Variants in NAALADL2 observed in about 807,000 individuals in gnomAD.
NAALADL2 encodes N-acetylated alpha-linked acidic dipeptidase like 2, also known as inactive N-acetylated-alpha-linked acidic dipeptidase-like protein 2.
NAALADL2 carries 76 observed loss-of-function variants against 87.2 expected under a neutral mutation model. The ratio of observed to expected loss-of-function variants is 0.87; its 90% CI spans 0.72 to 1.05. NAALADL2 has a LOEUF of 1.05. Among genes scored for constraint, NAALADL2 ranks in the 50% least tolerant of loss-of-function variants. The probability of loss-of-function intolerance (pLI) is 0.00; values close to 1 mark genes in which losing one functional copy is unlikely to be tolerated. For missense variants in NAALADL2, 1,089 were observed against 945.8 expected (o/e 1.15, Z -1.99); for synonymous variants, 354 against 331.0 (o/e 1.07, Z -0.75).
intron 2 of NAALADL2, among the ~76,000 whole-genome samples, chr3:175,208,496 A>G (rs577612020): frequency 6.6e-6 from 1 of 152,258 alleles, no homozygotes; most frequent in African/African-American, 2.4e-5. Context: ...TTTAGTGGCC[A>G]TCATTGCTCC....
chr3:174,683,265 A>C (rs1391772735), intron 2 of NAALADL2, among the ~76,000 whole-genome samples: 3 of 152,106 alleles, frequency 2.0e-5, no homozygotes, highest in Non-Finnish European at 4.4e-5. Flanking sequence ...AGGATCTAGA[A>C]AGTAGCCTCA....
chr3:174,853,422 C>T (rs1725492036), intron 3 of NAALADL2, among the ~76,000 whole-genome samples: 1 of 148,534 alleles, frequency 6.7e-6, no homozygotes, highest in African/African-American at 2.5e-5. Flanking sequence ...GACCTTAAAC[C>T]ATGAAATTGC....
intron 3 of NAALADL2, among the ~76,000 whole-genome samples, chr3:174,830,857 C>A (rs1377867861): frequency 6.6e-6 from 1 of 151,684 alleles, no homozygotes; most frequent in Non-Finnish European, 1.5e-5. Flanking sequence ...GTATTTTATT[C>A]TCTTTGAAGC....
At chr3:175,727,206 A>T (rs940972680) in intron 11 of NAALADL2, among the ~76,000 whole-genome samples, 4 of 152,156 alleles carry the variant, frequency 2.6e-5, no homozygotes, top group Admixed American at 1.3e-4. Context: ...CCAGTGTCTC[A>T]GTAACCTCAT....
chr3:175,333,825 A>G (rs570747219), intron 5 of NAALADL2, among the ~76,000 whole-genome samples: 61 of 152,320 alleles, frequency 4.0e-4, no homozygotes, highest in Non-Finnish European at 6.8e-4. Context: ...GCTGGAAAAG[A>G]GGACTTGAAA....
chr3:174,551,763 T>C (rs1292119282), intron 2 of NAALADL2, among the ~76,000 whole-genome samples: 1 of 152,246 alleles, frequency 6.6e-6, no homozygotes, highest in Non-Finnish European at 1.5e-5. Flanking sequence ...GTGTAACACA[T>C]ACTAATATTT....
intron 2 of NAALADL2, among the ~76,000 whole-genome samples, chr3:175,154,167 T>C (rs1580715965): frequency 6.6e-6 from 1 of 152,320 alleles, no homozygotes; most frequent in East Asian, 1.9e-4. Context: ...TATACCTATT[T>C]TTCATATCTG....
At chr3:174,697,149 T>C (rs1221116636) in intron 2 of NAALADL2, among the ~76,000 whole-genome samples, 1 of 152,176 alleles carries the variant, frequency 6.6e-6, no homozygotes, top group Non-Finnish European at 1.5e-5. Context: ...ATAAAGCATC[T>C]TGATGATAGC....
Position 175,096,795 on chromosome 3 carries a change from A to G in NAALADL2, c.49A>G (p.Lys17Glu). 1 of 1,495,018 alleles carries G rather than the reference A, an allele frequency of 6.7e-7. No individual in the cohort carries two copies. The highest frequency in any genetic ancestry group is 8.9e-7 in the Non-Finnish European group (1 of 1,122,238). The allele number at this position is 1,495,018 out of a possible 1,614,324, so 92.6% of individuals were successfully genotyped here. A position where few individuals can be genotyped will look rare whatever the true frequency, so the allele number is the denominator to read the frequency against. Reference protein sequence around the residue: ...SLPNTSLQGKKMAYQKVHADQ... With the variant: ...SLPNTSLQGKEMAYQKVHADQ... ...TATTTTTCTTATTTTCACAGGTAAA[A>G]AGATGGCCTATCAGAAGGTCCATGC... Residue 17 changes from lysine to glutamate, a missense_variant, in exon 2 of 14, where the codon AAG (lysine) becomes GAG (glutamate). Coordinates refer to ENST00000454872, the MANE Select transcript of NAALADL2 (RefSeq NM_207015.3).
chr3:175,457,721 C>G (rs1035558408), intron 6 of NAALADL2, among the ~76,000 whole-genome samples: 1 of 135,878 alleles, frequency 7.4e-6, no homozygotes, highest in African/African-American at 2.8e-5. Flanking sequence ...CAAGATCTTG[C>G]TATGTTGCTC....
intron 2 of NAALADL2, among the ~76,000 whole-genome samples, chr3:174,591,989 A>T (rs1242825451): frequency 3.3e-5 from 5 of 152,108 alleles, no homozygotes; most frequent in African/African-American, 1.2e-4. Flanking sequence ...ATGACTTATA[A>T]ACTTTTATTG....
intron 5 of NAALADL2, among the ~76,000 whole-genome samples, chr3:175,380,891 TG>T (rs1046141173): frequency 2.0e-5 from 3 of 152,094 alleles, no homozygotes; most frequent in African/African-American, 4.8e-5. Flanking sequence ...CTTTAAATAT[TG>T]TTTTTTTTTA....
At chr3:175,391,861 A>G (rs1769115713) in intron 5 of NAALADL2, among the ~76,000 whole-genome samples, 1 of 152,124 alleles carries the variant, frequency 6.6e-6, no homozygotes, top group Non-Finnish European at 1.5e-5. Context: ...CTAGATGCTC[A>G]ATGAATATTT....
chr3:175,615,496 G>A (rs543382850), intron 10 of NAALADL2, among the ~76,000 whole-genome samples: 1 of 152,022 alleles, frequency 6.6e-6, no homozygotes, highest in East Asian at 1.9e-4. Context: ...GAAAACTGAG[G>A]CACAGATAAT....
chr3:174,475,944 C>T (rs1373353895), intron 1 of NAALADL2, among the ~76,000 whole-genome samples: 1 of 151,980 alleles, frequency 6.6e-6, no homozygotes, highest in Non-Finnish European at 1.5e-5. Flanking sequence ...GGATAAGTGC[C>T]ATTCAGAGAA....
chr3:175,070,229 A>C (rs543614698), intron 1 of NAALADL2, among the ~76,000 whole-genome samples: 2 of 151,944 alleles, frequency 1.3e-5, no homozygotes, highest in Non-Finnish European at 2.9e-5. Flanking sequence ...TAAATCTATC[A>C]GTTTTCAAAA....
intron 1 of NAALADL2, among the ~76,000 whole-genome samples, chr3:174,957,124 TG>T (rs1299408458): frequency 1.3e-5 from 2 of 151,974 alleles, no homozygotes; most frequent in African/African-American, 4.8e-5. Flanking sequence ...GCCCCAGAAC[TG>T]ATAACAAAAG....
At chr3:175,300,883 C>A (rs12486056) in intron 4 of NAALADL2, among the ~76,000 whole-genome samples, 25,271 of 151,760 alleles carry the variant, frequency 0.17, 2,228 homozygotes, top group African/African-American at 0.21. Flanking sequence ...GCTGGGATTA[C>A]AGGCATGTGC....
intron 2 of NAALADL2, among the ~76,000 whole-genome samples, chr3:174,614,440 G>A (rs1480996732): frequency 6.6e-6 from 1 of 152,162 alleles, no homozygotes; most frequent in Non-Finnish European, 1.5e-5. Flanking sequence ...AGCATCAGTT[G>A]AGTTCGGTCT....
Sources: gnomAD v4.1 joint callset for allele counts (sites outside exome capture counted in the v4.1 genomes callset) on GRCh38, gnomAD v4.1.1 for gene constraint, MANE v1.5 for transcripts, NCBI Gene and HGNC (gene_info 2026-07-23, HGNC 2026-07-21) for gene names.